The following MEF2A variants were observed in gnomAD, a reference collection of about 807,000 sequenced individuals.
The protein encoded by MEF2A is myocyte-specific enhancer factor 2A.
MEF2A carries 28 observed loss-of-function variants against 55.8 expected under a neutral mutation model. That is an observed-to-expected ratio of 0.50 (90% CI 0.37 to 0.69). The LOEUF (loss-of-function observed/expected upper bound fraction) is 0.69, where lower values mean the gene tolerates loss of function less well. MEF2A is among the 30% of genes least tolerant of loss of function. MEF2A has a pLI of 0.00. For synonymous variants in MEF2A, 239 were observed against 227.1 expected, an observed-to-expected ratio of 1.05 and a Z score of -0.47; for missense variants, 528 against 626.2, an observed-to-expected ratio of 0.84 and a Z score of 1.67.
intron 11 of MEF2A, 101 bp downstream of exon 11, chr15:99,710,861 A>G (rs1157046014): frequency 1.5e-6 from 2 of 1,347,470 alleles, no homozygotes; most frequent in Non-Finnish European, 2.0e-6. Flanking sequence ...CGTGTGAGGA[A>G]TCCTGTAATG....
At chr15:99,612,053 T>C (rs977683797) in intron 2 of MEF2A, among the ~76,000 whole-genome samples, 2 of 152,090 alleles carry the variant, frequency 1.3e-5, no homozygotes. Context: ...AAATTTCTTT[T>C]TGGGATGATA....
intron 4 of MEF2A, among the ~76,000 whole-genome samples, chr15:99,646,814 A>T (rs1173477336): frequency 6.6e-6 from 1 of 152,120 alleles, no homozygotes; most frequent in Non-Finnish European, 1.5e-5. Context: ...GCAGTGATTG[A>T]TACCATTACT....
At chr15:99,695,979 A>G (rs536508142) in intron 8 of MEF2A, among the ~76,000 whole-genome samples, 2 of 152,334 alleles carry the variant, frequency 1.3e-5, no homozygotes, top group East Asian at 1.9e-4. Flanking sequence ...AAGCAGACCT[A>G]TTAATTTCAG....
At chr15:99,609,229 A>G (rs1019288223) in intron 2 of MEF2A, among the ~76,000 whole-genome samples, 18 of 152,194 alleles carry the variant, frequency 1.2e-4, no homozygotes, top group Non-Finnish European at 2.9e-5. Context: ...TCTAGTTAGT[A>G]AGGGATTATT....
intron 1 of MEF2A, among the ~76,000 whole-genome samples, chr15:99,567,262 A>G (rs1393357203): frequency 1.3e-5 from 2 of 152,240 alleles, no homozygotes; most frequent in African/African-American, 4.8e-5. Context: ...TGTTAACAAT[A>G]GCATATGTAT....
chr15:99,620,014 C>T (rs1203910446), intron 2 of MEF2A, among the ~76,000 whole-genome samples: 1 of 152,182 alleles, frequency 6.6e-6, no homozygotes, highest in East Asian at 1.9e-4. Flanking sequence ...TTCTTCTTAA[C>T]CTTAAAAGCA....
At chr15:99,662,197 AG>A (rs1238197408) in intron 4 of MEF2A, among the ~76,000 whole-genome samples, 1 of 152,126 alleles carries the variant, frequency 6.6e-6, no homozygotes, top group African/African-American at 2.4e-5. Flanking sequence ...GGAGATAGGG[AG>A]GGTTCTGGCC....
chr15:99,566,156 G>C (rs926392620), intron 1 of MEF2A, 52 bp downstream of exon 1: 1 of 151,766 alleles, frequency 6.6e-6, no homozygotes, highest in Non-Finnish European at 1.5e-5. Flanking sequence ...AGTGCTGGAG[G>C]GGGGCGGCGT....
At chr15:99,626,190 G>T (rs2042022829) in intron 2 of MEF2A, among the ~76,000 whole-genome samples, 1 of 152,046 alleles carries the variant, frequency 6.6e-6, no homozygotes, top group Admixed American at 6.5e-5. Flanking sequence ...GGTAGTTCTA[G>T]AAGCCTTTTG....
intron 2 of MEF2A, among the ~76,000 whole-genome samples, chr15:99,632,190 T>TACAC (rs150342548): frequency 6.6e-5 from 10 of 152,080 alleles, no homozygotes; most frequent in Non-Finnish European, 8.8e-5. Flanking sequence ...TTAAAATTTA[T>TACAC]ACACACACAC....
At chr15:99,567,437 T>C (rs565938790) in intron 1 of MEF2A, among the ~76,000 whole-genome samples, 15 of 152,362 alleles carry the variant, frequency 9.8e-5, no homozygotes, top group Middle Eastern at 3.4e-3. Context: ...CTGTGTTGTT[T>C]TGGCAACTGC....
Position 99,690,228 on chromosome 15 carries a change from T to C in MEF2A, c.671-13T>C, listed in dbSNP as rs760137523. 1.2e-6 allele frequency: 2 copies of C among 1,609,910 alleles called. No homozygotes were observed. The highest frequency in any genetic ancestry group is 1.1e-5 in the South Asian group (1 of 90,382). On this transcript the variant is annotated splice_polypyrimidine_tract_variant and intron_variant, in intron 7 of 11. Coordinates refer to ENST00000557942, the MANE Select transcript of MEF2A (RefSeq NM_001319206.4). ...ACTCTTCTCACTTTATTGAATGATA[T>C]TTTTCCCCCCAGGGAATGGATTTGT...
chr15:99,641,255 C>T (rs1195454305), intron 3 of MEF2A, among the ~76,000 whole-genome samples: 1 of 152,130 alleles, frequency 6.6e-6, no homozygotes, highest in Non-Finnish European at 1.5e-5. Flanking sequence ...TCAGTTTCTA[C>T]CTGATGTCTT....
intron 5 of MEF2A, among the ~76,000 whole-genome samples, chr15:99,672,306 A>G (rs962616432): frequency 1.2e-4 from 18 of 152,214 alleles, no homozygotes; most frequent in African/African-American, 3.6e-4. Context: ...TAGGGCAACA[A>G]TGTTCTTAAA....
rs374780661 is a variant in MEF2A at position 99,575,697 on chromosome 15, A to G, written c.-225+9593A>G. ...CGCTTACAGAATGGTTTTAGCATTCATTGATTACTCTTGCCTGAATCACTT... is the reference window on the plus strand; with the variant it reads ...CGCTTACAGAATGGTTTTAGCATTCGTTGATTACTCTTGCCTGAATCACTT... On this transcript the variant is annotated intron_variant, in intron 1 of 11. Transcript: ENST00000557942. Among the ~76,000 whole-genome samples, 160 of 152,348 alleles carry G rather than the reference A, an allele frequency of 1.1e-3. No homozygotes were observed. The South Asian group carries it at 0.016, about 15-fold the overall frequency.
intron 4 of MEF2A, among the ~76,000 whole-genome samples, chr15:99,667,345 C>T (rs139847725): frequency 0.028 from 4,203 of 152,196 alleles, 87 homozygotes; most frequent in Middle Eastern, 0.058. Context: ...CTCAGCCTCC[C>T]GAGTAGCTGG....
intron 1 of MEF2A, among the ~76,000 whole-genome samples, chr15:99,568,419 A>C (rs894381090): frequency 5.3e-5 from 8 of 152,194 alleles, no homozygotes; most frequent in African/African-American, 1.2e-4. Context: ...CAATTTCGTT[A>C]CAATTTGCCT....
intron 1 of MEF2A, among the ~76,000 whole-genome samples, chr15:99,582,081 A>G (rs921938158): frequency 6.6e-6 from 1 of 152,138 alleles, no homozygotes; most frequent in African/African-American, 2.4e-5. Flanking sequence ...GTAAAAGAAA[A>G]AAAAGAGCCA....
At chr15:99,670,580 A>C (rs2153625561) in intron 4 of MEF2A, among the ~76,000 whole-genome samples, 1 of 152,308 alleles carries the variant, frequency 6.6e-6, no homozygotes, top group East Asian at 1.9e-4. Flanking sequence ...ACTGCACTCC[A>C]TCCTGGGCGA....
Sources: allele counts gnomAD v4.1 joint callset (sites outside exome capture counted in the v4.1 genomes callset), GRCh38; gene constraint gnomAD v4.1.1; transcripts MANE v1.5; gene names NCBI Gene and HGNC (gene_info 2026-07-23, HGNC 2026-07-21).